Variants in RBFOX1 observed in about 807,000 individuals in gnomAD.
The protein encoded by RBFOX1 is RNA binding protein fox-1 homolog 1.
A neutral mutation model predicts 57.7 loss-of-function variants in RBFOX1; 8 were observed. The observed-to-expected ratio is 0.14, with a 90% CI of 0.08 to 0.25. The LOEUF is 0.25. Ranked by LOEUF, RBFOX1 falls within the 10% of genes least tolerant of loss-of-function variation. The pLI is 1.00. For missense variants in RBFOX1, 611 were observed against 548.5 expected, an observed-to-expected ratio of 1.11 and a Z score of -1.14; for synonymous variants, 326 against 222.4, an observed-to-expected ratio of 1.47 and a Z score of -4.15.
intron 1 of RBFOX1, among the ~76,000 whole-genome samples, chr16:5,302,565 G>T (rs1317208287): frequency 6.6e-6 from 1 of 152,144 alleles, no homozygotes; most frequent in African/African-American, 2.4e-5. Flanking sequence ...CAATGAATTT[G>T]TCTTTCAATT....
chr16:7,144,263 A>G (rs778236646), intron 4 of RBFOX1, among the ~76,000 whole-genome samples: 1 of 152,114 alleles, frequency 6.6e-6, no homozygotes, highest in Non-Finnish European at 1.5e-5. Context: ...AATGAAAGCA[A>G]AGAACTTCCT....
chr16:7,218,413 G>T (rs1432840821), intron 4 of RBFOX1, among the ~76,000 whole-genome samples: 1 of 152,132 alleles, frequency 6.6e-6, no homozygotes, highest in Non-Finnish European at 1.5e-5. Flanking sequence ...GATAGAGATG[G>T]TGAAAGAGGG....
At chr16:6,729,561 C>A (rs2068030971) in intron 3 of RBFOX1, among the ~76,000 whole-genome samples, 1 of 152,166 alleles carries the variant, frequency 6.6e-6, no homozygotes, top group Non-Finnish European at 1.5e-5. Context: ...CCTAATACTT[C>A]TGTCTCTGGG....
chr16:6,101,362 C>A (rs192437607), intron 1 of RBFOX1, among the ~76,000 whole-genome samples: 4 of 152,194 alleles, frequency 2.6e-5, no homozygotes, highest in Admixed American at 6.5e-5. Flanking sequence ...TGTCCTCATA[C>A]TGAACCAAGT....
In RBFOX1 at chr16:5,645,269, C is replaced by G. The variant is rs553574394; in HGVS notation, c.318+46308C>G. On this transcript the variant is annotated intron_variant, in intron 3 of 19. Transcript: ENST00000641259. ...CATCTCAAAAAAACAAAAACAGAAA[C>G]AAAAACAAAAAAAAAAACATGCTGA... 2.5e-3 allele frequency among the ~76,000 whole-genome samples: 33 copies of G among 13,118 alleles called. 1 individual carries two copies. The East Asian group carries it at 0.31, about 123-fold the overall frequency. The allele number at this position is 13,118 out of a possible 152,430, so 8.6% of individuals were successfully genotyped here. A position where few individuals can be genotyped will look rare whatever the true frequency, so the allele number is the denominator to read the frequency against.
chr16:7,573,066 A>C (rs948108609), intron 5 of RBFOX1, among the ~76,000 whole-genome samples: 3 of 152,156 alleles, frequency 2.0e-5, no homozygotes, highest in Non-Finnish European at 2.9e-5. Context: ...TCAGTGGTCA[A>C]GGGGAGAGAG....
intron 4 of RBFOX1, among the ~76,000 whole-genome samples, chr16:5,916,539 C>G (rs576258116): frequency 6.6e-6 from 1 of 152,256 alleles, no homozygotes; most frequent in African/African-American, 2.4e-5. Context: ...TGTGCCCAGC[C>G]CTTCCTCTCA....
chr16:6,646,228 C>T (rs1003737291), intron 2 of RBFOX1, among the ~76,000 whole-genome samples: 2 of 152,042 alleles, frequency 1.3e-5, no homozygotes, highest in Non-Finnish European at 2.9e-5. Flanking sequence ...CAGCGTGATC[C>T]GAACAATAAT....
At chr16:7,281,497 G>T (rs1340669123) in intron 4 of RBFOX1, among the ~76,000 whole-genome samples, 1 of 152,018 alleles carries the variant, frequency 6.6e-6, no homozygotes, top group South Asian at 2.1e-4. Context: ...AGTTTGTAGT[G>T]AAAAAGGATT....
chr16:7,369,778 AAAT>A (rs1192685621), intron 4 of RBFOX1, among the ~76,000 whole-genome samples: 6 of 152,130 alleles, frequency 3.9e-5, no homozygotes, highest in African/African-American at 1.4e-4. Flanking sequence ...AAAAATAAGT[AAAT>A]AATAATAATA....
chr16:6,842,016 G>C (rs143514920), intron 3 of RBFOX1, among the ~76,000 whole-genome samples: 1 of 151,588 alleles, frequency 6.6e-6, no homozygotes, highest in Non-Finnish European at 1.5e-5. Context: ...GGTGGCGGGC[G>C]CCTGTAGTCC....
chr16:7,646,703 C>G (rs186679975), intron 11 of RBFOX1, among the ~76,000 whole-genome samples: 1 of 152,192 alleles, frequency 6.6e-6, no homozygotes, highest in Non-Finnish European at 1.5e-5. Flanking sequence ...GCCCCCCTGT[C>G]GGGTTTTGCA....
chr16:6,161,460 G>A (rs926630116), intron 1 of RBFOX1, among the ~76,000 whole-genome samples: 2 of 152,080 alleles, frequency 1.3e-5, no homozygotes, highest in African/African-American at 4.8e-5. Flanking sequence ...CCATTGGCTG[G>A]GGCAGCTGAC....
chr16:5,926,187 A>G (rs139724066), intron 4 of RBFOX1, among the ~76,000 whole-genome samples: 162 of 152,358 alleles, frequency 1.1e-3, no homozygotes, highest in African/African-American at 3.7e-3. Flanking sequence ...TTTAAATCTG[A>G]TACTATTTAA....
chr16:7,333,566 G>C (rs990255331), intron 4 of RBFOX1, among the ~76,000 whole-genome samples: 3 of 152,190 alleles, frequency 2.0e-5, no homozygotes, highest in Non-Finnish European at 2.9e-5. Flanking sequence ...ACCTGAATTT[G>C]AGTGGTGGCA....
At chr16:7,066,373 G>C (rs1301492474) in intron 4 of RBFOX1, among the ~76,000 whole-genome samples, 11 of 152,184 alleles carry the variant, frequency 7.2e-5, no homozygotes, top group Non-Finnish European at 1.6e-4. Flanking sequence ...GTCCCATTGT[G>C]AGGCTAAGAT....
Position 6,356,665 on chromosome 16 carries a change from C to G in RBFOX1, c.-64+39608C>G, listed in dbSNP as rs557225783. 3.3e-5 allele frequency among the ~76,000 whole-genome samples: 5 copies of G among 152,186 alleles called. No homozygotes were observed. The South Asian group carries it at 1.0e-3, about 32-fold the overall frequency. ...CCAAGAGAAGCGTAGGGAGACATAG[C>G]AAGTAAAGATACCATTACCGTGGTA... is the stretch of plus-strand genomic sequence containing the variant. On this transcript the variant is annotated intron_variant, in intron 2 of 15. Transcript: ENST00000550418.
At chr16:5,289,567 A>G (rs1239887713) in intron 1 of RBFOX1, among the ~76,000 whole-genome samples, 1 of 152,226 alleles carries the variant, frequency 6.6e-6, no homozygotes, top group Non-Finnish European at 1.5e-5. Flanking sequence ...AATTACCTTC[A>G]CTTCTTTTGT....
chr16:7,468,552 A>G (rs1381326645), intron 4 of RBFOX1, among the ~76,000 whole-genome samples: 1 of 151,048 alleles, frequency 6.6e-6, no homozygotes, highest in African/African-American at 2.4e-5. Flanking sequence ...ACTGATACAC[A>G]TGGAACTTCG....
Sources: gnomAD v4.1 joint callset for allele counts (sites outside exome capture counted in the v4.1 genomes callset) on GRCh38, gnomAD v4.1.1 for gene constraint, MANE v1.5 for transcripts, NCBI Gene and HGNC (gene_info 2026-07-23, HGNC 2026-07-21) for gene names.